ATP2C1: variants seen among roughly 807,000 people sequenced by gnomAD.
ATP2C1 encodes ATPase secretory pathway Ca2+ transporting 1.
ATP2C1 carries 31 observed loss-of-function variants against 120.5 expected under a neutral mutation model. That is an observed-to-expected ratio of 0.26 (90% CI 0.19 to 0.35). The LOEUF is 0.35. Ranked by LOEUF, ATP2C1 falls within the 10% of genes least tolerant of loss-of-function variation. ATP2C1 has a pLI of 1.00. For synonymous variants in ATP2C1, 351 were observed against 358.7 expected (o/e 0.98, Z 0.24); for missense variants, 731 against 1,107.5 (o/e 0.66, Z 4.83).
chr3:130,859,422 T>C (rs76997072), intron 1 of ATP2C1, among the ~76,000 whole-genome samples: 4 of 152,364 alleles, frequency 2.6e-5, no homozygotes, highest in African/African-American at 7.2e-5. Context: ...ATCCATAGTT[T>C]GTAAGTTATC....
intron 14 of ATP2C1, among the ~76,000 whole-genome samples, chr3:130,966,678 T>A (rs940147402): frequency 3.3e-5 from 5 of 152,194 alleles, no homozygotes; most frequent in African/African-American, 9.7e-5. Context: ...GTGTGTAATA[T>A]GCTGTGTTAA....
At chr3:130,954,009 TC>T (rs2108550568) in intron 9 of ATP2C1, 33 bp downstream of exon 9, 2 of 1,610,770 alleles carry the variant, frequency 1.2e-6, no homozygotes, top group Non-Finnish European at 1.7e-6. Context: ...AAAAAGCAGT[TC>T]CTTTGTTTGA....
chr3:130,860,702 C>G lies in ATP2C1; in HGVS notation c.108+9774C>G, dbSNP rs76730126. On this transcript the variant is annotated intron_variant, in intron 1 of 26. Coordinates refer to the ATP2C1 transcript ENST00000504381. ...TCAAAGCCCAATTCATTCCCTCATACAGAGATACCTCCCATAGATAGGATT... is the reference window on the plus strand; with the variant it reads ...TCAAAGCCCAATTCATTCCCTCATAGAGAGATACCTCCCATAGATAGGATT... Among the ~76,000 whole-genome samples, 1,107 of 152,300 alleles carry G rather than the reference C, an allele frequency of 7.3e-3. 10 individuals are homozygous for G. Among genetic ancestry groups the G allele is most frequent in the African/African-American group, 0.025 (1,039 of 41,558 alleles).
At chr3:130,966,995 A>G in intron 14 of ATP2C1, 150 bp from the exon 15 acceptor site, 1 of 696,562 alleles carries the variant, frequency 1.4e-6, no homozygotes, top group South Asian at 1.6e-5. Flanking sequence ...TTTTAAAGAC[A>G]AATTTTAATG....
intron 20 of ATP2C1, among the ~76,000 whole-genome samples, chr3:130,981,773 A>C (rs1478549611): frequency 6.6e-6 from 1 of 152,182 alleles, no homozygotes; most frequent in African/African-American, 2.4e-5. Flanking sequence ...ATGGTATCTT[A>C]CTGTGATTTT....
chr3:130,894,150 CCCCT>C lies in ATP2C1; in HGVS notation c.-364_-361del. 6.2e-6 allele frequency: 2 copies of C among 322,808 alleles called. No homozygotes were observed. Among genetic ancestry groups the C allele is most frequent in the Non-Finnish European group, 8.9e-6 (2 of 224,896 alleles). 20.0% of individuals were successfully genotyped at this position (322,808 alleles called of 1,614,324 possible). A position where few individuals can be genotyped will look rare whatever the true frequency, so the allele number is the denominator to read the frequency against. On this transcript the variant is annotated 5_prime_UTR_variant, in exon 1 of 28. Coordinates refer to ENST00000510168, the MANE Select transcript of ATP2C1 (RefSeq NM_001378687.1). The surrounding 1 kb of genome is among the most constrained non-coding windows in gnomAD (Gnocchi z 4.5). ...CGGGTCCCCTCACCTCCTCTTCTCT[CCCCT>C]CCCCGCCCGCCCTCTCTCCCTCCCT...
chr3:130,985,071 G>A (rs577836292), intron 20 of ATP2C1, among the ~76,000 whole-genome samples: 2 of 152,222 alleles, frequency 1.3e-5, no homozygotes, highest in Non-Finnish European at 2.9e-5. Flanking sequence ...CACAAATGCA[G>A]ATGTATGAAA....
At chr3:130,954,552 C>T (rs1007708631) in intron 9 of ATP2C1, among the ~76,000 whole-genome samples, 1 of 152,150 alleles carries the variant, frequency 6.6e-6, no homozygotes, top group African/African-American at 2.4e-5. Flanking sequence ...GTGGCGTGAT[C>T]TTGGCTCACT....
At chr3:130,997,856 A>C in intron 25 of ATP2C1, 103 bp downstream of exon 25, 1 of 1,206,550 alleles carries the variant, frequency 8.3e-7, no homozygotes, top group Non-Finnish European at 1.2e-6. Context: ...AAGTTAAGGG[A>C]GCTCTTTTAG....
At chr3:130,920,129 C>T (rs763410953) in intron 2 of ATP2C1, among the ~76,000 whole-genome samples, 8 of 152,070 alleles carry the variant, frequency 5.3e-5, no homozygotes, top group Admixed American at 1.3e-4. Flanking sequence ...TCTCTCATTC[C>T]GTAGGTTGCC....
At chr3:130,891,085 GTAAA>G (rs1418818057), upstream of ATP2C1, among the ~76,000 whole-genome samples, 7 of 152,092 alleles carry the variant, frequency 4.6e-5, no homozygotes, top group Non-Finnish European at 7.4e-5. Context: ...AAGTTAGTAA[GTAAA>G]TAAATAAAAT....
intron 2 of ATP2C1, chr3:130,928,129 T>C (rs2108320337): frequency 6.6e-6 from 1 of 152,414 alleles, no homozygotes; most frequent in Middle Eastern, 3.4e-3. Flanking sequence ...TTCTGCTACC[T>C]TCTACTCCAC....
intron 24 of ATP2C1, 26 bp from the exon 25 acceptor site, chr3:130,997,580 A>G (rs1179396657): frequency 2.5e-5 from 41 of 1,608,894 alleles, no homozygotes; most frequent in Non-Finnish European, 3.4e-5. Context: ...ACTTGAAAGT[A>G]ATTTATTTTT....
rs1035661549 is a variant in ATP2C1 at position 130,963,863 on chromosome 3, G to A, written c.900-108G>A. 69 of 1,333,796 alleles carry A rather than the reference G, an allele frequency of 5.2e-5. 1 individual carries two copies. Among genetic ancestry groups the A allele is most frequent in the Non-Finnish European group, 7.4e-5 (69 of 935,994 alleles). The allele number at this position is 1,333,796 out of a possible 1,614,324, so 82.6% of individuals were successfully genotyped here. A position where few individuals can be genotyped will look rare whatever the true frequency, so the allele number is the denominator to read the frequency against. On this transcript the variant is annotated intron_variant, in intron 12 of 27. Transcript: ENST00000510168. ...TTGAGAAGTTTATTTTTTAGGTATTGACTATATTAATTTTGCGTTTTATTA... is the reference window on the plus strand; with the variant it reads ...TTGAGAAGTTTATTTTTTAGGTATTAACTATATTAATTTTGCGTTTTATTA...
chr3:131,010,486 G>A (rs993828155), intron 26 of ATP2C1, among the ~76,000 whole-genome samples: 10 of 152,070 alleles, frequency 6.6e-5, no homozygotes, highest in South Asian at 4.2e-4. Context: ...GAGCCACCAC[G>A]CCCGGCCACC....
intron 17 of ATP2C1, among the ~76,000 whole-genome samples, chr3:130,973,013 G>A (rs1433708423): frequency 1.3e-5 from 2 of 152,050 alleles, no homozygotes; most frequent in African/African-American, 4.8e-5. Flanking sequence ...ATTAAATAAA[G>A]TCAAGAAATG....
At chr3:130,920,852 C>A (rs1436000715) in intron 2 of ATP2C1, among the ~76,000 whole-genome samples, 1 of 152,058 alleles carries the variant, frequency 6.6e-6, no homozygotes, top group African/African-American at 2.4e-5. Flanking sequence ...TAATTTCATT[C>A]ATTGTTTTCT....
intron 20 of ATP2C1, 46 bp from the exon 21 acceptor site, chr3:130,992,905 G>T: frequency 6.8e-7 from 1 of 1,474,258 alleles, no homozygotes; most frequent in South Asian, 1.1e-5. Context: ...TTATTCTGTA[G>T]AAATCTTAAT....
intron 22 of ATP2C1, among the ~76,000 whole-genome samples, chr3:130,995,450 A>T (rs926012244): frequency 6.6e-6 from 1 of 151,988 alleles, no homozygotes; most frequent in South Asian, 2.1e-4. Context: ...TTTATGTATT[A>T]TGAATGTGAA....
Sources: allele counts gnomAD v4.1 joint callset (sites outside exome capture counted in the v4.1 genomes callset), GRCh38; gene constraint gnomAD v4.1.1; non-coding constraint Gnocchi (gnomAD v3.1); transcripts MANE v1.5; gene names NCBI Gene and HGNC (gene_info 2026-07-23, HGNC 2026-07-21).